ZNF282: variants seen among roughly 807,000 people sequenced by gnomAD.
ZNF282 encodes HTLV-I U5 repressive element-binding protein 1.
In ZNF282, 30 loss-of-function variants were observed where a neutral mutation model predicts 61.9. The observed-to-expected ratio is 0.48, with a 90% CI of 0.36 to 0.66. The LOEUF is 0.66. Among genes scored for constraint, ZNF282 ranks in the 30% least tolerant of loss-of-function variants. ZNF282 has a pLI of 0.00. For missense variants in ZNF282, 788 were observed against 941.4 expected, an observed-to-expected ratio of 0.84 and a Z score of 2.13; for synonymous variants, 396 against 405.0, an observed-to-expected ratio of 0.98 and a Z score of 0.27.
Position 149,213,719 on chromosome 7 carries a change from A to G in ZNF282, c.1085A>G (p.His362Arg). 1 of 1,613,784 alleles carries G rather than the reference A, an allele frequency of 6.2e-7. No individual in the cohort carries two copies. Among genetic ancestry groups the G allele is most frequent in the Non-Finnish European group, 8.5e-7 (1 of 1,179,822 alleles). Reference sequence around the variant, plus strand: ...ACAACAGAGTCTCTCATCTCAGCACATGACATTTTGTCATGGATCAAGCAG... The same window carrying G: ...ACAACAGAGTCTCTCATCTCAGCACGTGACATTTTGTCATGGATCAAGCAG... ...DPNSESLISA[H>R]DILSWIKQEE... is the part of the protein sequence containing the mutation. Residue 362 changes from histidine to arginine, a missense_variant, in exon 7 of 8, where the codon CAT becomes CGT. His to Arg is a conservative substitution (Grantham distance 29, BLOSUM62 0). Coordinates refer to ENST00000610704, the MANE Select transcript of ZNF282 (RefSeq NM_003575.4).
intron 7 of ZNF282, among the ~76,000 whole-genome samples, chr7:149,219,076 G>A (rs1317218873): frequency 6.6e-6 from 1 of 152,190 alleles, no homozygotes; most frequent in Non-Finnish European, 1.5e-5. Flanking sequence ...TGAATCATTA[G>A]CCACGAGGTT....
chr7:149,218,154 C>T (rs570054251), intron 7 of ZNF282, among the ~76,000 whole-genome samples: 11 of 150,278 alleles, frequency 7.3e-5, no homozygotes, highest in Non-Finnish European at 1.3e-4. Context: ...GGTATGAAAT[C>T]GGACATGATC....
At chr7:149,208,124 A>G in intron 4 of ZNF282, among the ~76,000 whole-genome samples, 1 of 152,188 alleles carries the variant, frequency 6.6e-6, no homozygotes, top group East Asian at 1.9e-4. Flanking sequence ...TCTGGTGCTC[A>G]AACTGTGTTC....
chr7:149,212,768 G>A (rs898538916), intron 6 of ZNF282, among the ~76,000 whole-genome samples: 2 of 152,096 alleles, frequency 1.3e-5, no homozygotes, highest in Admixed American at 6.6e-5. Context: ...TTTTAGTAGA[G>A]ATGGGGTTTC....
At position 149,223,865 on chromosome 7, in the gene ZNF282, C is replaced by T; in HGVS notation, c.1234C>T (p.Pro412Ser). The T allele has an allele frequency of 3.4e-6, 5 of 1,451,812 alleles. No homozygotes were observed. The highest frequency in any genetic ancestry group is 4.5e-6 in the Non-Finnish European group (5 of 1,107,666). The allele number at this position is 1,451,812 out of a possible 1,614,324, so 89.9% of individuals were successfully genotyped here. A position where few individuals can be genotyped will look rare whatever the true frequency, so the allele number is the denominator to read the frequency against. ...NPPPAPPQPQ[P>S]QPQPPQPQLQ... ...ACCCCCGGCCCCGCCACAGCCCCAG[C>T]CCCAGCCCCAGCCACCGCAGCCGCA... The change falls in exon 8 of 8, where the codon CCC (proline) becomes TCC (serine). Residue 412 changes from proline to serine, a missense_variant. Pro to Ser is a moderately conservative substitution (Grantham distance 74). Coordinates refer to ENST00000610704, the MANE Select transcript of ZNF282 (RefSeq NM_003575.4).
Position 149,225,197 on chromosome 7 carries a change from A to C in ZNF282, c.*550A>C, listed in dbSNP as rs1796348542. The C allele has an allele frequency of 6.4e-6, 1 of 155,968 alleles. No homozygotes were observed. The highest frequency in any genetic ancestry group is 2.4e-5 in the African/African-American group (1 of 41,426). The allele number at this position is 155,968 out of a possible 1,614,324, so 9.7% of individuals were successfully genotyped here. ...TGGGGTAGGATTTTCCTGGTGACCG[A>C]GTAAAGTGAGAGGCAGGTGAGACGG... On this transcript the variant is annotated 3_prime_UTR_variant, in exon 8 of 8. Transcript: ENST00000610704.
chr7:149,205,299 G>C (rs570192032), intron 2 of ZNF282, among the ~76,000 whole-genome samples: 1 of 151,966 alleles, frequency 6.6e-6, no homozygotes, highest in Non-Finnish European at 1.5e-5. Flanking sequence ...TTAGCCGGGC[G>C]TGGTGGCAAG....
intron 1 of ZNF282, among the ~76,000 whole-genome samples, chr7:149,197,105 C>A (rs923285569): frequency 1.3e-5 from 2 of 152,236 alleles, no homozygotes; most frequent in Non-Finnish European, 2.9e-5. Context: ...GAACTGTCAC[C>A]AGCCTCAACC....
intron 1 of ZNF282, among the ~76,000 whole-genome samples, chr7:149,197,004 C>T (rs937031119): frequency 1.3e-5 from 2 of 152,242 alleles, no homozygotes; most frequent in African/African-American, 4.8e-5. Flanking sequence ...AAAATGACAC[C>T]TCTTCCTGTC....
intron 4 of ZNF282, 106 bp downstream of exon 4, chr7:149,207,576 C>A: frequency 6.7e-7 from 1 of 1,487,308 alleles, no homozygotes; most frequent in Non-Finnish European, 9.0e-7. Context: ...CACCATGGGG[C>A]GAGGGTCTTG....
chr7:149,198,672 G>C lies in ZNF282; in HGVS notation c.505G>C (p.Glu169Gln). 6.2e-7 allele frequency: 1 copy of C among 1,613,920 alleles called. No homozygotes were observed. Among genetic ancestry groups the C allele is most frequent in the Non-Finnish European group, 8.5e-7 (1 of 1,180,008 alleles). Residue 169 changes from glutamate (E) to glutamine (Q), a missense_variant, in exon 2 of 8, where the codon GAG (glutamate) becomes CAG (glutamine). By Grantham distance (29) the Glu-to-Gln change is conservative. This residue lies in a region of ZNF282 where 92 missense variants were observed against 163.9 expected (regional missense o/e 0.56). Coordinates refer to ENST00000610704, the MANE Select transcript of ZNF282 (RefSeq NM_003575.4). This position sits in a 1 kb window ranked among gnomAD's most constrained non-coding sequence, Gnocchi z 4.3. The stretch of plus-strand genomic sequence containing the variant: ...GTACGGGCTGCTGCAGAGGCGGCTG[G>C]AGAACTTGGAGAACTTGCTGCGCAA... The part of the protein sequence containing the change: ...QEYGLLQRRL[E>Q]NLENLLRNRN...
Position 149,207,461 on chromosome 7 carries a change from C to T in ZNF282, c.823C>T (p.Pro275Ser). The T allele has an allele frequency of 3.2e-6, 5 of 1,560,950 alleles. No individual in the cohort carries two copies. Among genetic ancestry groups the T allele is most frequent in the Non-Finnish European group, 4.3e-6 (5 of 1,151,616 alleles). The change falls in exon 4 of 8, where the codon CCC becomes TCC. Residue 275 changes from proline to serine, a missense_variant. Around this residue, in one of 3 missense-constraint regions of ZNF282, gnomAD observed 559 missense variants for 642.0 expected, o/e 0.87. Transcript: ENST00000610704. The stretch of plus-strand genomic sequence containing the variant: ...CGAAGAGAGAGAAATCCCAATGGAT[C>T]CCGAAGCAGGTGATGGCAGCAGAAG... The part of the protein sequence containing the change: ...HPEEREIPMD[P>S]EAGAEPLVPA...
Position 149,224,052 on chromosome 7 carries a change from G to A in ZNF282, c.1421G>A (p.Gly474Asp). 8.6e-7 allele frequency: 1 copy of A among 1,163,014 alleles called. No homozygotes were observed. Among genetic ancestry groups the A allele is most frequent in the Non-Finnish European group, 1.1e-6 (1 of 944,794 alleles). 72.0% of individuals were successfully genotyped at this position (1,163,014 alleles called of 1,614,324 possible). A position where few individuals can be genotyped will look rare whatever the true frequency, so the allele number is the denominator to read the frequency against. The change falls in exon 8 of 8, where the codon GGC becomes GAC. Residue 474 changes from glycine to aspartate, a missense_variant. Around this residue, in one of 3 missense-constraint regions of ZNF282, gnomAD observed 559 missense variants for 642.0 expected, o/e 0.87. Transcript: ENST00000610704. The stretch of plus-strand genomic sequence containing the variant: ...CCGGGTGGGGACCGCAGCACCGGGG[G>A]CGGCGGGGGCGATGGGGGCGGTGGG... ...APPGGDRSTG[G>D]GGGDGGGGGG...
At position 149,205,788 on chromosome 7, in the gene ZNF282, T is replaced by C. The variant is rs547127836; in HGVS notation, c.586-908T>C. ...GTGCCATACAAGCCAGCTTTGGCCC[T>C]GTAAATGCAGATACGTAGATGAATG... On this transcript the variant is annotated intron_variant, in intron 2 of 7. Transcript: ENST00000610704. Among the ~76,000 whole-genome samples, 4 of 152,324 alleles carry C rather than the reference T, an allele frequency of 2.6e-5. No individual in the cohort carries two copies. The East Asian group carries it at 7.7e-4, about 29-fold the overall frequency.
intron 7 of ZNF282, among the ~76,000 whole-genome samples, chr7:149,218,858 G>C (rs1158208509): frequency 6.6e-6 from 1 of 152,172 alleles, no homozygotes; most frequent in Non-Finnish European, 1.5e-5. Flanking sequence ...ATTCAAATCA[G>C]AGCTAGCCAA....
At chr7:149,215,780 G>A (rs1360676229) in intron 7 of ZNF282, among the ~76,000 whole-genome samples, 1 of 152,226 alleles carries the variant, frequency 6.6e-6, no homozygotes, top group Non-Finnish European at 1.5e-5. Context: ...AGCACCGGAA[G>A]AAAGCCAACT....
intron 2 of ZNF282, among the ~76,000 whole-genome samples, chr7:149,202,960 C>G (rs1795937430): frequency 6.6e-6 from 1 of 152,092 alleles, no homozygotes; most frequent in African/African-American, 2.4e-5. Flanking sequence ...TCTTGTGTGT[C>G]TCTGTGTCTG....
At position 149,220,283 on chromosome 7, in the gene ZNF282, G is replaced by C. The variant is rs1585575767; in HGVS notation, c.1181-3529G>C. ...AATTAGCCTGGCGTAGTCGTGGTGG[G>C]CGCCTGTAGTCCCAGCTACTCGGGA... On this transcript the variant is annotated intron_variant, in intron 7 of 7. Coordinates refer to ENST00000610704, the MANE Select transcript of ZNF282 (RefSeq NM_003575.4). 3.3e-5 allele frequency among the ~76,000 whole-genome samples: 5 copies of C among 151,996 alleles called. No individual in the cohort carries two copies. In the South Asian group the frequency reaches 6.3e-4, roughly 19 times the overall value.
chr7:149,219,800 T>C (rs1563180743), intron 7 of ZNF282, among the ~76,000 whole-genome samples: 1 of 152,044 alleles, frequency 6.6e-6, no homozygotes, highest in African/African-American at 2.4e-5. Flanking sequence ...TGAGCAGAGA[T>C]TGTGTCACTG....
Sources: allele counts gnomAD v4.1 joint callset (sites outside exome capture counted in the v4.1 genomes callset), GRCh38; gene constraint gnomAD v4.1.1; regional missense constraint gnomAD v4.1.1; non-coding constraint Gnocchi (gnomAD v3.1); transcripts MANE v1.5; gene names NCBI Gene and HGNC (gene_info 2026-07-23, HGNC 2026-07-21).